The following DIP2B variants were observed in gnomAD, a reference collection of about 807,000 sequenced individuals.
The protein encoded by DIP2B is disco-interacting protein 2 homolog B.
A neutral mutation model predicts 198.0 loss-of-function variants in DIP2B; 76 were observed. The ratio of observed to expected loss-of-function variants is 0.38; its 90% confidence interval spans 0.32 to 0.46. The LOEUF is 0.46. DIP2B is among the 20% of genes least tolerant of loss of function. DIP2B has a pLI of 0.99. For missense variants in DIP2B, 1,559 were observed against 1,978.4 expected (o/e 0.79, Z 4.02); for synonymous variants, 701 against 739.1 (o/e 0.95, Z 0.84).
intron 1 of DIP2B, among the ~76,000 whole-genome samples, chr12:50,624,999 A>G (rs562565725): frequency 6.6e-6 from 1 of 152,358 alleles, no homozygotes; most frequent in South Asian, 2.1e-4. Context: ...ATAAGTGGAT[A>G]TTAAAATTTT....
At chr12:50,718,346 T>G (rs1272532056) in intron 23 of DIP2B, among the ~76,000 whole-genome samples, 1 of 152,184 alleles carries the variant, frequency 6.6e-6, no homozygotes, top group South Asian at 2.1e-4. Context: ...AAAATATTAG[T>G]AGGAACCTGT....
At chr12:50,641,224 G>A (rs1367832355) in intron 3 of DIP2B, among the ~76,000 whole-genome samples, 3 of 152,164 alleles carry the variant, frequency 2.0e-5, no homozygotes, top group African/African-American at 7.2e-5. Context: ...GGGCATGGTG[G>A]TGGGCACCTG....
intron 1 of DIP2B, among the ~76,000 whole-genome samples, chr12:50,549,746 G>T: frequency 7.0e-6 from 1 of 142,094 alleles, no homozygotes. Flanking sequence ...CATGATTTCT[G>T]CATTTTTTGT....
chr12:50,574,840 A>G (rs900506980), intron 1 of DIP2B, among the ~76,000 whole-genome samples: 5 of 152,326 alleles, frequency 3.3e-5, no homozygotes, highest in South Asian at 2.1e-4. Context: ...CCTTGTAACA[A>G]TTGGCCTCTT....
chr12:50,543,315 A>G (rs1958343032), intron 1 of DIP2B, among the ~76,000 whole-genome samples: 2 of 150,492 alleles, frequency 1.3e-5, no homozygotes, highest in Admixed American at 1.3e-4. Context: ...TTTTTGAGAC[A>G]GAGTCTCGCT....
At chr12:50,712,434 T>C (rs1939634022) in intron 22 of DIP2B, among the ~76,000 whole-genome samples, 1 of 151,408 alleles carries the variant, frequency 6.6e-6, no homozygotes, top group Admixed American at 6.6e-5. Context: ...TAAAACCCTG[T>C]CTCTACTAAA....
At chr12:50,611,703 C>T (rs181795065) in intron 1 of DIP2B, among the ~76,000 whole-genome samples, 1 of 152,020 alleles carries the variant, frequency 6.6e-6, no homozygotes, top group African/African-American at 2.4e-5. Context: ...GCTCTTTCAC[C>T]CCTGAACTTC....
At chr12:50,691,245 G>T (rs554208955) in intron 13 of DIP2B, 94 bp downstream of exon 13, 2 of 1,087,224 alleles carry the variant, frequency 1.8e-6, no homozygotes, top group East Asian at 2.5e-5. Flanking sequence ...TTTAATGACC[G>T]AATTCAGAGT....
At chr12:50,526,178 A>G (rs1958163302) in intron 1 of DIP2B, among the ~76,000 whole-genome samples, 1 of 152,166 alleles carries the variant, frequency 6.6e-6, no homozygotes, top group Non-Finnish European at 1.5e-5. Flanking sequence ...GAAGATTCCA[A>G]TGGAATTCTT....
chr12:50,621,553 G>C (rs1253930438), intron 1 of DIP2B, among the ~76,000 whole-genome samples: 1 of 152,202 alleles, frequency 6.6e-6, no homozygotes, highest in East Asian at 1.9e-4. Context: ...GCCAGGCTGT[G>C]GGTGGGCTAC....
intron 1 of DIP2B, among the ~76,000 whole-genome samples, chr12:50,561,117 A>G (rs190357241): frequency 6.6e-6 from 1 of 152,156 alleles, no homozygotes; most frequent in Non-Finnish European, 1.5e-5. Flanking sequence ...TGTTTACTCA[A>G]TATCAATTGT....
intron 1 of DIP2B, among the ~76,000 whole-genome samples, chr12:50,511,742 G>A (rs1194482150): frequency 6.6e-6 from 1 of 151,790 alleles, no homozygotes; most frequent in Non-Finnish European, 1.5e-5. Flanking sequence ...AAGGTCAAGA[G>A]ATCAAGACCA....
chr12:50,544,012 G>A (rs1270496631), intron 1 of DIP2B, among the ~76,000 whole-genome samples: 1 of 149,240 alleles, frequency 6.7e-6, no homozygotes, highest in Middle Eastern at 3.3e-3. Context: ...GGCAGACCAC[G>A]AGGTCAGGAC....
intron 2 of DIP2B, among the ~76,000 whole-genome samples, 175 bp from the exon 3 acceptor site, chr12:50,640,549 T>G (rs959431910): frequency 1.1e-4 from 17 of 152,228 alleles, no homozygotes; most frequent in Non-Finnish European, 2.1e-4. Context: ...AGATGATATT[T>G]TTTAGTTTGG....
In DIP2B at chr12:50,738,663, T is replaced by C. The variant is rs533025339; in HGVS notation, c.4177-746T>C. ...CCACGCCTGGCTAATTTTGTATTTT[T>C]AGTAGGGGGTTTCACCATGTTGGCC... On this transcript the variant is annotated intron_variant, in intron 35 of 37. Coordinates refer to ENST00000301180, the MANE Select transcript of DIP2B (RefSeq NM_173602.3). 4.5e-4 allele frequency among the ~76,000 whole-genome samples: 69 copies of C among 152,182 alleles called. 2 individuals carry two copies. The highest frequency in any genetic ancestry group is 6.8e-3 in the Middle Eastern group (2 of 294).
At chr12:50,554,379 AT>A (rs949068354) in intron 1 of DIP2B, among the ~76,000 whole-genome samples, 1 of 151,504 alleles carries the variant, frequency 6.6e-6, no homozygotes, top group African/African-American at 2.4e-5. Flanking sequence ...GTATACTTTT[AT>A]TTTTTTCTTT....
At chr12:50,698,590 C>T in intron 18 of DIP2B, 123 bp downstream of exon 18, 8 of 1,163,308 alleles carry the variant, frequency 6.9e-6, no homozygotes, top group Non-Finnish European at 9.3e-6. Context: ...CATTTAATTT[C>T]TCAGAGCCTC....
intron 19 of DIP2B, among the ~76,000 whole-genome samples, chr12:50,702,766 T>C (rs905344998): frequency 3.1e-5 from 3 of 96,446 alleles, no homozygotes; most frequent in Non-Finnish European, 6.2e-5. Context: ...AAAGGAGGGG[T>C]GGGGAGCAGC....
At chr12:50,742,359 T>C (rs1332383970) in intron 37 of DIP2B, among the ~76,000 whole-genome samples, 1 of 121,960 alleles carries the variant, frequency 8.2e-6, no homozygotes, top group African/African-American at 3.2e-5. Flanking sequence ...ATTGTGCCAC[T>C]GCACTCCAGC....
Sources: allele counts gnomAD v4.1 joint callset (sites outside exome capture counted in the v4.1 genomes callset), GRCh38; gene constraint gnomAD v4.1.1; transcripts MANE v1.5; gene names NCBI Gene and HGNC (gene_info 2026-07-23, HGNC 2026-07-21).